ELN: variants seen among roughly 807,000 people sequenced by gnomAD.
The protein encoded by ELN is tropoelastin.
Under a neutral mutation model 105.8 loss-of-function variants are expected in ELN, and 65 were observed. That is an observed-to-expected ratio of 0.61 (90% CI 0.50 to 0.75). The LOEUF is 0.75. Among genes scored for constraint, ELN ranks in the 30% least tolerant of loss-of-function variants. The pLI, the probability that ELN is intolerant of heterozygous loss-of-function variation, is 0.00. For missense variants in ELN, 882 were observed against 969.4 expected (o/e 0.91, Z 1.20); for synonymous variants, 368 against 389.2 (o/e 0.95, Z 0.64).
intron 14 of ELN, 122 bp downstream of exon 14, chr7:74,048,323 C>CA: frequency 5.2e-6 from 8 of 1,531,918 alleles, no homozygotes; most frequent in Non-Finnish European, 5.4e-6. Context: ...GACCCTGGTC[C>CA]AAACCTGGAG....
intron 22 of ELN, 94 bp downstream of exon 22, chr7:74,057,790 C>G (rs1463367447): frequency 1.4e-6 from 2 of 1,431,968 alleles, no homozygotes; most frequent in Non-Finnish European, 2.0e-6. Context: ...CTGTTCCTTT[C>G]CACCCCACTT....
At position 74,061,240 on chromosome 7, in the gene ELN, G is replaced by T. The variant is rs552210136; in HGVS notation, c.1786+101G>T. ...CAATAGAAAAAGGCAGTTTCGGCCG[G>T]GCGTGGTGGCTCACACCTGTAATCC... On this transcript the variant is annotated intron_variant, in intron 26 of 32. Transcript: ENST00000252034. 3.1e-5 allele frequency: 46 copies of T among 1,476,476 alleles called. No individual in the cohort carries two copies. In the East Asian group the frequency reaches 1.0e-3, roughly 33 times the overall value. 91.5% of individuals were successfully genotyped at this position (1,476,476 alleles called of 1,614,324 possible). A position where few individuals can be genotyped will look rare whatever the true frequency, so the allele number is the denominator to read the frequency against.
At chr7:74,057,824 C>A in intron 22 of ELN, 128 bp downstream of exon 22, 1 of 1,072,606 alleles carries the variant, frequency 9.3e-7, no homozygotes. Flanking sequence ...CTGGGGTGGG[C>A]CCTCCTTAGA....
intron 1 of ELN, among the ~76,000 whole-genome samples, chr7:74,031,804 AGAGAGAGAGAGAAAG>A (rs1300182209): frequency 6.6e-6 from 1 of 151,006 alleles, no homozygotes; most frequent in African/African-American, 2.4e-5. Context: ...AGAAAGAGAG[AGAGAGAGAGAGAAAG>A]GAGAGAGAGA....
Position 74,043,099 on chromosome 7 carries a change from G to A in ELN, c.377-19G>A. 6.2e-7 allele frequency: 1 copy of A among 1,614,144 alleles called. No homozygotes were observed. The highest frequency in any genetic ancestry group is 8.5e-7 in the Non-Finnish European group (1 of 1,180,026). On this transcript the variant is annotated intron_variant, in intron 7 of 32. Transcript: ENST00000252034. ...AGGCCTGGGTGGAGCCAACTCTGAT[G>A]CAGCCCCTTCTGTGCCAGGTGCGGT... is the stretch of plus-strand genomic sequence containing the variant.
chr7:74,052,166 A>C (rs1794199855), intron 17 of ELN, 183 bp downstream of exon 17: 2 of 708,884 alleles, frequency 2.8e-6, no homozygotes, highest in Admixed American at 5.2e-5. Context: ...TTTTGCCCTG[A>C]TTAACTCAGC....
Position 74,056,727 on chromosome 7 carries a change from C to T in ELN, c.1357+14C>T. ...CTGCCAAGTACGGTAAGTGCCCCTG[C>T]CCTGCCTGTCCCCAAGTCCTGCTCT... On this transcript the variant is annotated intron_variant, in intron 21 of 32. Transcript: ENST00000252034. The T allele has an allele frequency of 6.2e-7, 1 of 1,613,710 alleles. No individual in the cohort carries two copies. Among genetic ancestry groups the T allele is most frequent in the Non-Finnish European group, 8.5e-7 (1 of 1,180,004 alleles).
intron 15 of ELN, among the ~76,000 whole-genome samples, chr7:74,050,296 T>C (rs1195947695): frequency 6.6e-6 from 1 of 151,534 alleles, no homozygotes; most frequent in African/African-American, 2.4e-5. Context: ...CATCCATCCA[T>C]TCCTCCATGC....
intron 15 of ELN, among the ~76,000 whole-genome samples, chr7:74,049,719 T>C (rs191167897): frequency 2.2e-4 from 33 of 148,666 alleles, no homozygotes; most frequent in African/African-American, 7.0e-4. Context: ...CATCAATTCT[T>C]CCCTCCATCC....
chr7:74,044,232 C>A (rs1791935204), intron 9 of ELN, among the ~76,000 whole-genome samples: 1 of 152,070 alleles, frequency 6.6e-6, no homozygotes, highest in Non-Finnish European at 1.5e-5. Flanking sequence ...CAGAGCAAGA[C>A]CCTGTCTCAA....
At chr7:74,046,901 T>G (rs1399001684) in intron 12 of ELN, 134 bp downstream of exon 12, 1 of 1,012,758 alleles carries the variant, frequency 9.9e-7, no homozygotes, top group Non-Finnish European at 1.5e-6. Context: ...CTGGCCAACA[T>G]GGCAAAACCC....
chr7:74,041,931 G>T (rs185042562), intron 5 of ELN, among the ~76,000 whole-genome samples: 1 of 152,098 alleles, frequency 6.6e-6, no homozygotes, highest in Non-Finnish European at 1.5e-5. Context: ...GTAGAGACGG[G>T]GTTTCACCAT....
At chr7:74,046,659 G>T (rs782682498) in intron 11 of ELN, 37 bp from the exon 12 acceptor site, 5 of 1,611,690 alleles carry the variant, frequency 3.1e-6, no homozygotes, top group Non-Finnish European at 8.5e-7. Context: ...TTGGAAGGGG[G>T]TGCTGGGACC....
rs1554683829 is a variant in ELN, at chr7:74,060,594, C to T, written c.1747+93C>T. The T allele has an allele frequency of 6.3e-7, 1 of 1,596,376 alleles. No individual in the cohort carries two copies. Among genetic ancestry groups the T allele is most frequent in the Admixed American group, 1.8e-5 (1 of 55,736 alleles). ...GCACCTCCCCAGCACCCCCTCATCA[C>T]CCAGGGGTGCATAGTAAAATCCTTG... On this transcript the variant is annotated intron_variant, in intron 25 of 32. Coordinates refer to ENST00000252034, the MANE Select transcript of ELN (RefSeq NM_000501.4).
rs1359856150 is a variant in ELN at position 74,068,659 on chromosome 7, G to A, written c.2134G>A (p.Gly712Arg). 1.2e-6 allele frequency: 2 copies of A among 1,614,128 alleles called. No individual in the cohort carries two copies. The highest frequency in any genetic ancestry group is 1.7e-6 in the Non-Finnish European group (2 of 1,180,022). Residue 712 changes from glycine (G) to arginine (R), a missense_variant and splice_region_variant, in exon 33 of 33, where the codon GGG becomes AGG. By Grantham distance (125) the Gly-to-Arg change is moderately radical. Coordinates refer to ENST00000252034, the MANE Select transcript of ELN (RefSeq NM_000501.4). ...GATGTGCACCTCCTCCCGTCCAGGT[G>A]GGGCCTGCCTGGGGAAAGCTTGTGG... is the stretch of plus-strand genomic sequence containing the variant. ...GFGLSPIFPG[G>R]ACLGKACGRK...
At chr7:74,052,993 C>G (rs1554677199) in intron 17 of ELN, 170 bp from the exon 18 acceptor site, 1 of 904,858 alleles carries the variant, frequency 1.1e-6, no homozygotes, top group African/African-American at 1.6e-5. Context: ...TTTAGGGACC[C>G]TCTTAGTCTC....
Position 74,028,182 on chromosome 7 carries a change from C to T in ELN, c.-6C>T. 1.2e-6 allele frequency: 2 copies of T among 1,610,694 alleles called. No individual in the cohort carries two copies. The highest frequency in any genetic ancestry group is 1.7e-6 in the Non-Finnish European group (2 of 1,179,234). On this transcript the variant is annotated 5_prime_UTR_variant, in exon 1 of 33. Coordinates refer to ENST00000252034, the MANE Select transcript of ELN (RefSeq NM_000501.4). The stretch of plus-strand genomic sequence containing the variant: ...CGGAGAGCGGGCTGGGGCATTTCTC[C>T]CCGAGATGGCGGGTCTGACGGCGGC...
chr7:74,064,094 C>T (rs573602497), intron 29 of ELN, among the ~76,000 whole-genome samples: 1 of 149,028 alleles, frequency 6.7e-6, no homozygotes, highest in Non-Finnish European at 1.5e-5. Context: ...CAGAGTGAGA[C>T]CCTGTCATCT....
chr7:74,047,773 A>G, intron 13 of ELN, 57 bp downstream of exon 13: 1 of 1,612,626 alleles, frequency 6.2e-7, no homozygotes, highest in South Asian at 1.1e-5. Context: ...CCAGGGTCCT[A>G]GCAAGGGTGC....
Sources: allele counts gnomAD v4.1 joint callset (sites outside exome capture counted in the v4.1 genomes callset), GRCh38; gene constraint gnomAD v4.1.1; transcripts MANE v1.5; gene names NCBI Gene and HGNC (gene_info 2026-07-23, HGNC 2026-07-21).